The following MARS1 variants were observed in gnomAD, a reference collection of about 807,000 sequenced individuals.
MARS1 encodes methionine--tRNA ligase, cytoplasmic.
MARS1 carries 80 observed loss-of-function variants against 119.5 expected under a neutral mutation model. That is an observed-to-expected ratio of 0.67 (90% CI 0.56 to 0.81). The LOEUF is 0.81. Among genes scored for constraint, MARS1 ranks in the 30% least tolerant of loss-of-function variants. MARS1 has a pLI of 0.00. For synonymous variants in MARS1, 418 were observed against 433.4 expected (o/e 0.96, Z 0.44); for missense variants, 945 against 1,116.5 (o/e 0.85, Z 2.19).
Position 57,516,325 on chromosome 12 carries a change from A to G in MARS1, c.2544A>G (p.Glu848=). The G allele has an allele frequency of 1.9e-6, 3 of 1,614,208 alleles. No individual in the cohort carries two copies. Among genetic ancestry groups the G allele is most frequent in the Non-Finnish European group, 2.5e-6 (3 of 1,180,010 alleles). ...AGCAGATACAAGCGCTGATGGATGA[A>G]GTGACAAAACAAGTATGAAGCTTAA... ...KPQQIQALMD[E]VTKQGNIVRE... Residue 848 remains glutamate, a synonymous_variant, in exon 20 of 21, where the codon GAA becomes GAG. Transcript: ENST00000262027.
At position 57,507,632 on chromosome 12, in the gene MARS1, G is replaced by A. The variant is rs1352688757; in HGVS notation, c.1368+3333G>A. 7.6e-5 allele frequency among the ~76,000 whole-genome samples: 10 copies of A among 132,424 alleles called. 1 individual carries two copies. In the South Asian group the frequency reaches 8.1e-4, roughly 11 times the overall value. 86.9% of individuals were successfully genotyped at this position (132,424 alleles called of 152,430 possible). ...GGGTCTGGCCCCCCACCTCCCTCCC[G>A]GACGGGGCGGCTGGCCGGGCGGGGG... On this transcript the variant is annotated intron_variant, in intron 11 of 20. Transcript: ENST00000262027.
chr12:57,504,161 C>T, intron 10 of MARS1, 64 bp from the exon 11 acceptor site: 8 of 1,107,884 alleles, frequency 7.2e-6, no homozygotes, highest in South Asian at 1.2e-5. Context: ...TCTGCTCCTC[C>T]CCTTGCCTGG....
Position 57,516,163 on chromosome 12 carries a change from C to T in MARS1, c.2464-82C>T, listed in dbSNP as rs759088760. The stretch of plus-strand genomic sequence containing the variant: ...GAAGAGACCTTCGACTTAAAGGTAA[C>T]CACTTTCCCTCTGAGATGCTGTATA... On this transcript the variant is annotated intron_variant, in intron 19 of 20. Transcript: ENST00000262027. 12 of 1,425,674 alleles carry T rather than the reference C, an allele frequency of 8.4e-6. No individual in the cohort carries two copies. In the South Asian group the frequency reaches 1.0e-4, roughly 12 times the overall value. 88.3% of individuals were successfully genotyped at this position (1,425,674 alleles called of 1,614,324 possible). A position where few individuals can be genotyped will look rare whatever the true frequency, so the allele number is the denominator to read the frequency against.
At position 57,512,123 on chromosome 12, in the gene MARS1, G is replaced by A; in HGVS notation, c.1635+20G>A. 6.2e-7 allele frequency: 1 copy of A among 1,612,266 alleles called. No individual in the cohort carries two copies. Among genetic ancestry groups the A allele is most frequent in the East Asian group, 2.2e-5 (1 of 44,878 alleles). ...GAGCAAGTGAGCAGTTCTTGGTTAG[G>A]CTGTGCATGGGGAGGGTAGGCGGTA... On this transcript the variant is annotated intron_variant, in intron 13 of 20. Coordinates refer to ENST00000262027, the MANE Select transcript of MARS1 (RefSeq NM_004990.4).
At chr12:57,504,406 A>G in intron 11 of MARS1, 107 bp downstream of exon 11, 2 of 887,124 alleles carry the variant, frequency 2.3e-6, no homozygotes, top group Non-Finnish European at 3.7e-6. Flanking sequence ...TTAAATTTCC[A>G]TTAAGAATTG....
chr12:57,504,374 G>C (rs1032242904), intron 11 of MARS1, 75 bp downstream of exon 11: 2 of 1,128,604 alleles, frequency 1.8e-6, no homozygotes, highest in South Asian at 1.2e-5. Flanking sequence ...CAAATACTGA[G>C]AGCAGATTAC....
intron 2 of MARS1, 51 bp downstream of exon 2, chr12:57,489,160 A>C: frequency 6.2e-7 from 1 of 1,601,322 alleles, no homozygotes; most frequent in South Asian, 1.1e-5. Context: ...ATCAGGCCTC[A>C]CTGTCATTTG....
chr12:57,506,083 C>T (rs1210684239), intron 11 of MARS1, among the ~76,000 whole-genome samples: 1 of 152,012 alleles, frequency 6.6e-6, no homozygotes, highest in Non-Finnish European at 1.5e-5. Context: ...CATGGTGAGA[C>T]CCCATCTCTA....
In MARS1 at chr12:57,515,222, C is replaced by T. The variant is rs377546356; in HGVS notation, c.2277C>T (p.Tyr759=). 49 of 1,614,062 alleles carry T rather than the reference C, an allele frequency of 3.0e-5. No individual in the cohort carries two copies. The highest frequency in any genetic ancestry group is 1.6e-4 in the Middle Eastern group (1 of 6,084). Reference sequence around the variant, plus strand: ...TGCTCTCTGTCATGCTTCAGCCTTACATGCCCACGGTTAGTGCCACAATCC... The same window carrying T: ...TGCTCTCTGTCATGCTTCAGCCTTATATGCCCACGGTTAGTGCCACAATCC... ...AALLSVMLQP[Y]MPTVSATIQA... The change falls in exon 18 of 21, where the codon TAC becomes TAT. Residue 759 remains tyrosine, a synonymous_variant. Transcript: ENST00000262027.
At position 57,504,233 on chromosome 12, in the gene MARS1, G is replaced by C; in HGVS notation, c.1302G>C (p.Gln434His). 2 of 1,614,022 alleles carry C rather than the reference G, an allele frequency of 1.2e-6. No homozygotes were observed. Among genetic ancestry groups the C allele is most frequent in the Non-Finnish European group, 1.7e-6 (2 of 1,179,894 alleles). The change falls in exon 11 of 21, where the codon CAG becomes CAC. Residue 434 changes from glutamine (Q) to histidine (H), a missense_variant. By Grantham distance (24) the Gln-to-His change is conservative. Coordinates refer to ENST00000262027, the MANE Select transcript of MARS1 (RefSeq NM_004990.4). ...LINAVELKKPQCKVCRSCPVV... is the reference protein window; with the variant it reads ...LINAVELKKPHCKVCRSCPVV... ...GGAATTTTCCTTCGCAGAAGCCTCA[G>C]TGTAAAGTCTGCCGATCATGCCCTG...
intron 7 of MARS1, among the ~76,000 whole-genome samples, chr12:57,496,637 C>A (rs1232101525): frequency 6.6e-6 from 1 of 151,950 alleles, no homozygotes; most frequent in African/African-American, 2.4e-5. Flanking sequence ...ATTATCCAGG[C>A]ACGGTGATGC....
intron 7 of MARS1, 136 bp downstream of exon 7, chr12:57,490,780 C>CTTTTTTTTTTT (rs35674919): frequency 8.4e-6 from 2 of 238,796 alleles, no homozygotes; most frequent in African/African-American, 4.5e-5. Context: ...TCTTACATCT[C>CTTTTTTTTTTT]TTTTTTTTTT....
intron 14 of MARS1, 82 bp downstream of exon 14, chr12:57,512,435 C>A: frequency 2.0e-6 from 2 of 977,348 alleles, no homozygotes; most frequent in Non-Finnish European, 3.2e-6. Context: ...TCTTGGAGAG[C>A]TGCTATCTTG....
intron 15 of MARS1, 109 bp from the exon 16 acceptor site, chr12:57,514,611 G>C: frequency 1.4e-6 from 2 of 1,392,686 alleles, no homozygotes; most frequent in South Asian, 2.3e-5. Flanking sequence ...TTCCAGGCAG[G>C]AATCCTGAGA....
At position 57,504,271 on chromosome 12, in the gene MARS1, G is replaced by A. The variant is rs748377952; in HGVS notation, c.1340G>A (p.Ser447Asn). ...CGATCATGCCCTGTGGTGCAGTCGAGCCAGCACCTGTTTCTGGACCTGCCT... is the reference window on the plus strand; with the variant it reads ...CGATCATGCCCTGTGGTGCAGTCGAACCAGCACCTGTTTCTGGACCTGCCT... The part of the protein sequence containing the change: ...VCRSCPVVQS[S>N]QHLFLDLPKL... Residue 447 changes from serine to asparagine, a missense_variant, in exon 11 of 21, where the codon AGC (serine) becomes AAC (asparagine). By Grantham distance (46) the Ser-to-Asn change is conservative. Transcript: ENST00000262027. 5.5e-5 allele frequency: 89 copies of A among 1,614,068 alleles called. No homozygotes were observed. The highest frequency in any genetic ancestry group is 7.4e-5 in the Non-Finnish European group (87 of 1,180,032).
intron 7 of MARS1, among the ~76,000 whole-genome samples, chr12:57,491,558 T>C (rs901698211): frequency 3.3e-5 from 5 of 152,172 alleles, no homozygotes; most frequent in Non-Finnish European, 5.9e-5. Flanking sequence ...ACACAGATAC[T>C]AACAGACCTT....
chr12:57,514,910 T>C, intron 16 of MARS1, 44 bp from the exon 17 acceptor site: 1 of 1,613,770 alleles, frequency 6.2e-7, no homozygotes, highest in South Asian at 1.1e-5. Flanking sequence ...CTTGTATTGG[T>C]CTCTGTAGGA....
intron 11 of MARS1, among the ~76,000 whole-genome samples, chr12:57,508,732 T>G (rs1877368209): frequency 6.3e-5 from 1 of 15,840 alleles, no homozygotes; most frequent in Non-Finnish European, 2.0e-4. Flanking sequence ...GAGAGCATTT[T>G]TGTATTTCTA....
In MARS1 at chr12:57,499,050, G is replaced by A. The variant is rs564707732; in HGVS notation, c.1091+427G>A. ...TGTAATCCCAGCACTTTGGGAGGCCGAGGCGGGCGGCTCACCGGAGGTCAG... is the reference window on the plus strand; with the variant it reads ...TGTAATCCCAGCACTTTGGGAGGCCAAGGCGGGCGGCTCACCGGAGGTCAG... On this transcript the variant is annotated intron_variant, in intron 9 of 20. Coordinates refer to ENST00000262027, the MANE Select transcript of MARS1 (RefSeq NM_004990.4). Among the ~76,000 whole-genome samples the A allele has an allele frequency of 1.2e-4, 18 of 151,978 alleles. No homozygotes were observed. In the South Asian group the frequency reaches 3.8e-3, roughly 32 times the overall value.
Sources: allele counts gnomAD v4.1 joint callset (sites outside exome capture counted in the v4.1 genomes callset), GRCh38; gene constraint gnomAD v4.1.1; transcripts MANE v1.5; gene names NCBI Gene and HGNC (gene_info 2026-07-23, HGNC 2026-07-21).